The following ARHGAP26 variants were observed in gnomAD, a reference collection of about 807,000 sequenced individuals.
The protein encoded by ARHGAP26 is Rho GTPase activating protein 26.
Under a neutral mutation model 104.8 loss-of-function variants are expected in ARHGAP26, and 38 were observed. The ratio of observed to expected loss-of-function variants is 0.36; its 90% CI spans 0.28 to 0.48. The LOEUF (loss-of-function observed/expected upper bound fraction) is 0.48. Among genes scored for constraint, ARHGAP26 ranks in the 20% least tolerant of loss-of-function variants. The pLI, the probability that ARHGAP26 is intolerant of heterozygous loss-of-function variation, is 0.99. For missense variants in ARHGAP26, 704 were observed against 947.9 expected (o/e 0.74, Z 3.38); for synonymous variants, 341 against 340.0 (o/e 1.00, Z -0.03).
At chr5:143,166,958 C>T (rs184317436) in intron 20 of ARHGAP26, among the ~76,000 whole-genome samples, 91 of 152,210 alleles carry the variant, frequency 6.0e-4, no homozygotes, top group African/African-American at 1.9e-3. Flanking sequence ...AGGCAAAGTC[C>T]AGAAGAACTT....
At chr5:143,021,929 T>C (rs1405801763) in intron 12 of ARHGAP26, among the ~76,000 whole-genome samples, 3 of 152,216 alleles carry the variant, frequency 2.0e-5, no homozygotes, top group South Asian at 2.1e-4. Context: ...CTCGTTACTG[T>C]ATTTCTCAAA....
chr5:142,892,169 T>C (rs898955686), intron 5 of ARHGAP26, among the ~76,000 whole-genome samples: 1 of 151,994 alleles, frequency 6.6e-6, no homozygotes, highest in Non-Finnish European at 1.5e-5. Flanking sequence ...CCCATGGCCT[T>C]TTCTGAGATT....
intron 6 of ARHGAP26, among the ~76,000 whole-genome samples, chr5:142,898,918 T>C (rs1455129412): frequency 6.6e-6 from 1 of 152,218 alleles, no homozygotes; most frequent in Non-Finnish European, 1.5e-5. Flanking sequence ...CAGAAATCTG[T>C]TGTCTCACAG....
intron 11 of ARHGAP26, among the ~76,000 whole-genome samples, chr5:142,934,049 CA>C (rs547182307): frequency 2.0e-5 from 3 of 151,586 alleles, no homozygotes; most frequent in Admixed American, 6.6e-5. Flanking sequence ...TTGGTATGGG[CA>C]AAAAAAAGCC....
intron 22 of ARHGAP26, among the ~76,000 whole-genome samples, chr5:143,220,580 A>G (rs1251001340): frequency 6.6e-6 from 1 of 152,204 alleles, no homozygotes; most frequent in Non-Finnish European, 1.5e-5. Flanking sequence ...TAAGAGTGGC[A>G]TGGGAGAGCT....
At chr5:143,106,703 C>G (rs1794073513) in intron 17 of ARHGAP26, among the ~76,000 whole-genome samples, 1 of 152,098 alleles carries the variant, frequency 6.6e-6, no homozygotes, top group South Asian at 2.1e-4. Flanking sequence ...GAACTCCTGA[C>G]CTCAGGTGAT....
intron 17 of ARHGAP26, among the ~76,000 whole-genome samples, chr5:143,108,935 A>G (rs1390406438): frequency 1.3e-5 from 2 of 152,220 alleles, no homozygotes; most frequent in Non-Finnish European, 2.9e-5. Flanking sequence ...TTCCTGTTGG[A>G]GCTAAGCCAC....
At chr5:142,972,636 C>T (rs542022198) in intron 11 of ARHGAP26, among the ~76,000 whole-genome samples, 1 of 152,272 alleles carries the variant, frequency 6.6e-6, no homozygotes, top group South Asian at 2.1e-4. Flanking sequence ...GATCATCTCA[C>T]AGTTAACCAT....
chr5:143,083,134 C>T (rs1188002221), intron 17 of ARHGAP26, among the ~76,000 whole-genome samples: 2 of 152,154 alleles, frequency 1.3e-5, no homozygotes, highest in Admixed American at 6.5e-5. Context: ...CGTCTTCTTC[C>T]TTTTTCTTTT....
chr5:142,859,689 C>T (rs1454234678), intron 1 of ARHGAP26: 1 of 152,210 alleles, frequency 6.6e-6, no homozygotes, highest in Non-Finnish European at 1.5e-5. Flanking sequence ...CTTCTTGATG[C>T]ATGCACATTT....
intron 1 of ARHGAP26, among the ~76,000 whole-genome samples, chr5:142,869,852 A>G (rs147403414): frequency 3.5e-4 from 54 of 152,322 alleles, no homozygotes; most frequent in Non-Finnish European, 6.6e-4. Flanking sequence ...AAAGAAGGGC[A>G]CTTCCTCTAG....
intron 14 of ARHGAP26, among the ~76,000 whole-genome samples, chr5:143,047,835 T>G (rs1784431366): frequency 6.6e-6 from 1 of 152,098 alleles, no homozygotes; most frequent in African/African-American, 2.4e-5. Flanking sequence ...TTATTTTTAT[T>G]ATTATTATTA....
At chr5:143,061,032 TGTTGA>T (rs1786622740) in intron 17 of ARHGAP26, among the ~76,000 whole-genome samples, 1 of 152,252 alleles carries the variant, frequency 6.6e-6, no homozygotes, top group Non-Finnish European at 1.5e-5. Context: ...TTTGACTTTG[TGTTGA>T]GTTTTCAACA....
chr5:143,202,031 A>G (rs973677421), intron 20 of ARHGAP26, among the ~76,000 whole-genome samples: 2 of 152,166 alleles, frequency 1.3e-5, no homozygotes, highest in African/African-American at 4.8e-5. Flanking sequence ...GTCTCCCACT[A>G]TTATTGTGTG....
At chr5:143,047,086 C>T (rs535525477) in intron 14 of ARHGAP26, among the ~76,000 whole-genome samples, 1 of 152,166 alleles carries the variant, frequency 6.6e-6, no homozygotes, top group South Asian at 2.1e-4. Context: ...TTTTCTCAGG[C>T]ACATATTGCA....
intron 18 of ARHGAP26, among the ~76,000 whole-genome samples, chr5:143,131,554 CTAG>C (rs999602249): frequency 1.3e-5 from 2 of 152,212 alleles, no homozygotes; most frequent in Non-Finnish European, 2.9e-5. Context: ...CAGAAAGGTA[CTAG>C]AAGACACTGT....
chr5:142,879,583 A>G, intron 4 of ARHGAP26, 138 bp downstream of exon 4: 1 of 777,168 alleles, frequency 1.3e-6, no homozygotes, highest in Non-Finnish European at 2.0e-6. Context: ...TAGGCAGAAA[A>G]CTCTATAGAG....
intron 20 of ARHGAP26, among the ~76,000 whole-genome samples, 197 bp from the exon 21 acceptor site, chr5:143,207,001 G>T (rs1808667454): frequency 6.6e-6 from 1 of 152,180 alleles, no homozygotes; most frequent in South Asian, 2.1e-4. Flanking sequence ...ATACTCCGAG[G>T]AATTACAGAA....
intron 11 of ARHGAP26, among the ~76,000 whole-genome samples, chr5:142,977,715 G>C (rs1349288823): frequency 6.6e-6 from 1 of 152,184 alleles, no homozygotes; most frequent in Non-Finnish European, 1.5e-5. Context: ...GGTAGGGAGA[G>C]GAAGCAAAAA....
Sources: allele counts gnomAD v4.1 joint callset (sites outside exome capture counted in the v4.1 genomes callset), GRCh38; gene constraint gnomAD v4.1.1; transcripts MANE v1.5; gene names NCBI Gene and HGNC (gene_info 2026-07-23, HGNC 2026-07-21).